The following CNTNAP5 variants were observed in gnomAD, a reference collection of about 807,000 sequenced individuals.
CNTNAP5 encodes contactin associated protein family member 5.
In CNTNAP5, 72 loss-of-function variants were observed where a neutral mutation model predicts 150.2. That is an observed-to-expected ratio of 0.48 (90% confidence interval 0.40 to 0.58). CNTNAP5 has a LOEUF of 0.58. Ranked by LOEUF, CNTNAP5 falls within the 20% of genes least tolerant of loss-of-function variation. The probability of loss-of-function intolerance (pLI) is 0.00; values close to 1 mark genes in which losing one functional copy is unlikely to be tolerated. For missense variants in CNTNAP5, 1,636 were observed against 1,626.2 expected, an observed-to-expected ratio of 1.01 and a Z score of -0.10; for synonymous variants, 672 against 619.8, an observed-to-expected ratio of 1.08 and a Z score of -1.25.
chr2:124,437,508 A>G (rs940981577), intron 5 of CNTNAP5, among the ~76,000 whole-genome samples: 4 of 152,186 alleles, frequency 2.6e-5, no homozygotes, highest in South Asian at 2.1e-4. Context: ...TTAATTTTAG[A>G]TTATAAAATA....
At chr2:124,339,145 A>T (rs1406666279) in intron 3 of CNTNAP5, among the ~76,000 whole-genome samples, 2 of 152,150 alleles carry the variant, frequency 1.3e-5, no homozygotes, top group African/African-American at 2.4e-5. Flanking sequence ...ACCTTTACAT[A>T]AAGAAAGTTC....
chr2:124,480,640 T>C (rs775744635), intron 7 of CNTNAP5, among the ~76,000 whole-genome samples: 6 of 152,210 alleles, frequency 3.9e-5, no homozygotes, highest in Non-Finnish European at 7.4e-5. Context: ...CTATAATCTC[T>C]TTAGCTTGTT....
rs562723460 is a variant in CNTNAP5 at position 124,568,658 on chromosome 2, T to A, written c.1756+5335T>A. On this transcript the variant is annotated intron_variant, in intron 11 of 23. Coordinates refer to ENST00000682447, the MANE Select transcript of CNTNAP5 (RefSeq NM_001367498.1). ...TATTCAACCATCTTAATATTTTTCT[T>A]TGTCTTTCTTATTCTGGTGAGAGAG... 2.0e-5 allele frequency among the ~76,000 whole-genome samples: 3 copies of A among 152,344 alleles called. No homozygotes were observed. In the South Asian group the frequency reaches 6.2e-4, roughly 32 times the overall value.
At chr2:124,606,814 C>G (rs1037407276) in intron 11 of CNTNAP5, among the ~76,000 whole-genome samples, 1 of 152,106 alleles carries the variant, frequency 6.6e-6, no homozygotes, top group African/African-American at 2.4e-5. Flanking sequence ...CAGGAAAGAC[C>G]CGCCCCCTAA....
chr2:124,657,056 T>C (rs1438932387), intron 13 of CNTNAP5, among the ~76,000 whole-genome samples: 1 of 152,204 alleles, frequency 6.6e-6, no homozygotes, highest in Non-Finnish European at 1.5e-5. Flanking sequence ...AGCCAGTATT[T>C]TATCACATTA....
At chr2:124,722,631 C>T (rs1260470190) in intron 13 of CNTNAP5, among the ~76,000 whole-genome samples, 2 of 152,272 alleles carry the variant, frequency 1.3e-5, no homozygotes, top group African/African-American at 4.8e-5. Flanking sequence ...CTCCTGAGTT[C>T]CTGGGTGGTA....
chr2:124,480,205 A>G (rs1693733384), intron 7 of CNTNAP5, among the ~76,000 whole-genome samples: 1 of 152,200 alleles, frequency 6.6e-6, no homozygotes, highest in African/African-American at 2.4e-5. Context: ...AAACTTAATC[A>G]TCTCATTTAT....
Position 124,756,178 on chromosome 2 carries a change from A to T in CNTNAP5, c.2235-7494A>T, listed in dbSNP as rs555503276. Among the ~76,000 whole-genome samples the T allele has an allele frequency of 2.3e-4, 35 of 152,340 alleles. No homozygotes were observed. The South Asian group carries it at 6.2e-3, about 27-fold the overall frequency. ...AGAAGTTAAATGGATGTCTAAGAAAAGTCTGTATGCATGTATTGCAAATCA... is the reference window on the plus strand; with the variant it reads ...AGAAGTTAAATGGATGTCTAAGAAATGTCTGTATGCATGTATTGCAAATCA... On this transcript the variant is annotated intron_variant, in intron 14 of 23. Transcript: ENST00000682447.
intron 1 of CNTNAP5, among the ~76,000 whole-genome samples, chr2:124,218,219 G>T (rs543324974): frequency 6.6e-6 from 1 of 152,070 alleles, no homozygotes; most frequent in Non-Finnish European, 1.5e-5. Context: ...CGACAACCTT[G>T]AGCAGTAGGA....
At chr2:124,075,761 A>C (rs73954521) in intron 1 of CNTNAP5, among the ~76,000 whole-genome samples, 1,559 of 152,222 alleles carry the variant, frequency 0.01, 30 homozygotes, top group African/African-American at 0.036. Flanking sequence ...TCACTGAAAG[A>C]CTTTGGAAGA....
chr2:124,623,220 T>C (rs1251143952), intron 12 of CNTNAP5, among the ~76,000 whole-genome samples: 4 of 152,176 alleles, frequency 2.6e-5, no homozygotes, highest in Non-Finnish European at 5.9e-5. Context: ...TATAATCTCA[T>C]GTCCTTGTGG....
chr2:124,035,688 T>A (rs541077094), intron 1 of CNTNAP5, among the ~76,000 whole-genome samples: 8 of 152,240 alleles, frequency 5.3e-5, no homozygotes, highest in African/African-American at 1.9e-4. Context: ...ATGTTTATAC[T>A]ATAATAAAAT....
At chr2:124,432,134 G>A (rs144016304) in intron 4 of CNTNAP5, among the ~76,000 whole-genome samples, 2 of 152,288 alleles carry the variant, frequency 1.3e-5, no homozygotes, top group African/African-American at 4.8e-5. Context: ...AAACAGAGGG[G>A]TGTACCCAGT....
intron 8 of CNTNAP5, among the ~76,000 whole-genome samples, chr2:124,515,021 C>T (rs993726130): frequency 3.3e-5 from 5 of 152,314 alleles, no homozygotes; most frequent in South Asian, 4.1e-4. Context: ...ACAAATGCAT[C>T]GTGAGTTCCT....
At position 124,910,606 on chromosome 2, in the gene CNTNAP5, A is replaced by G. The variant is rs572663716; in HGVS notation, c.3656-861A>G. Among the ~76,000 whole-genome samples the G allele has an allele frequency of 2.0e-5, 3 of 152,082 alleles. No homozygotes were observed. The South Asian group carries it at 6.2e-4, about 32-fold the overall frequency. ...GAAAGACTCTGAGTGCAGTAGTTGG[A>G]TAGCTTTGGTGTGAATTTTGCCTCT... On this transcript the variant is annotated intron_variant, in intron 22 of 23. Transcript: ENST00000682447.
At chr2:124,677,493 T>A (rs1678970098) in intron 13 of CNTNAP5, among the ~76,000 whole-genome samples, 1 of 152,192 alleles carries the variant, frequency 6.6e-6, no homozygotes, top group African/African-American at 2.4e-5. Context: ...ATCCTGCTGA[T>A]TGGTCCATTT....
chr2:124,296,699 T>C (rs1688439440), intron 3 of CNTNAP5, among the ~76,000 whole-genome samples: 1 of 152,304 alleles, frequency 6.6e-6, no homozygotes, highest in Middle Eastern at 3.4e-3. Context: ...TCTCTTAGTA[T>C]AGAGACCTTG....
chr2:124,056,970 T>C (rs1173633088), intron 1 of CNTNAP5, among the ~76,000 whole-genome samples: 2 of 152,178 alleles, frequency 1.3e-5, no homozygotes, highest in African/African-American at 4.8e-5. Flanking sequence ...ATTCAGTTGT[T>C]GTTTGTTTCC....
intron 3 of CNTNAP5, among the ~76,000 whole-genome samples, chr2:124,357,440 G>C (rs1690045323): frequency 6.6e-6 from 1 of 151,872 alleles, no homozygotes; most frequent in Non-Finnish European, 1.5e-5. Flanking sequence ...ATGGTTTTAG[G>C]TCTAACATTT....
Sources: allele counts gnomAD v4.1 joint callset (sites outside exome capture counted in the v4.1 genomes callset), GRCh38; gene constraint gnomAD v4.1.1; transcripts MANE v1.5; gene names NCBI Gene and HGNC (gene_info 2026-07-23, HGNC 2026-07-21).